The following LRFN5 variants were observed in gnomAD, a reference collection of about 807,000 sequenced individuals.
LRFN5 encodes leucine-rich repeat and fibronectin type-III domain-containing protein 5.
Under a neutral mutation model 45.6 loss-of-function variants are expected in LRFN5, and 24 were observed. The ratio of observed to expected loss-of-function variants is 0.53; its 90% CI spans 0.38 to 0.74. LRFN5 has a LOEUF of 0.74. Ranked by LOEUF, LRFN5 falls within the 30% of genes least tolerant of loss-of-function variation. The pLI is 0.00. For missense variants in LRFN5, 776 were observed against 861.5 expected (o/e 0.90, Z 1.24); for synonymous variants, 340 against 313.8 (o/e 1.08, Z -0.88).
chr14:41,803,772 A>C (rs1303656010), intron 2 of LRFN5, among the ~76,000 whole-genome samples: 1 of 152,166 alleles, frequency 6.6e-6, no homozygotes, highest in African/African-American at 2.4e-5. Flanking sequence ...CCTGTTGCCC[A>C]GATAGAGCTG....
intron 2 of LRFN5, among the ~76,000 whole-genome samples, chr14:41,774,391 T>C (rs1431682270): frequency 1.3e-5 from 2 of 152,190 alleles, no homozygotes; most frequent in East Asian, 3.8e-4. Flanking sequence ...TGAAACAGAA[T>C]ATAGGAGCCT....
intron 2 of LRFN5, among the ~76,000 whole-genome samples, chr14:41,809,646 A>C (rs2138988503): frequency 1.3e-5 from 2 of 151,780 alleles, no homozygotes; most frequent in East Asian, 3.9e-4. Flanking sequence ...TAATATTTTA[A>C]ATATATGTTT....
At chr14:41,796,272 C>G (rs1170570097) in intron 2 of LRFN5, among the ~76,000 whole-genome samples, 1 of 151,770 alleles carries the variant, frequency 6.6e-6, no homozygotes, top group African/African-American at 2.4e-5. Context: ...GTAGAGAATA[C>G]AGAAAATTAG....
intron 2 of LRFN5, among the ~76,000 whole-genome samples, chr14:41,781,446 C>T (rs1030880781): frequency 4.3e-5 from 6 of 138,980 alleles, no homozygotes; most frequent in Admixed American, 7.4e-5. Context: ...TGCATTGAGT[C>T]GTGATCATGG....
intron 2 of LRFN5, among the ~76,000 whole-genome samples, chr14:41,854,867 C>T (rs1284905203): frequency 1.3e-5 from 2 of 152,168 alleles, no homozygotes; most frequent in African/African-American, 4.8e-5. Flanking sequence ...AAATTCACAT[C>T]TCTGATCGAT....
intron 1 of LRFN5, among the ~76,000 whole-genome samples, chr14:41,674,426 A>G (rs1327864623): frequency 8.9e-3 from 406 of 45,628 alleles, no homozygotes; most frequent in Admixed American, 0.01. Flanking sequence ...CGGGCAGAGG[A>G]GCTCCTCACT....
chr14:41,624,157 G>A (rs1367984462), intron 1 of LRFN5, among the ~76,000 whole-genome samples: 2 of 151,878 alleles, frequency 1.3e-5, no homozygotes, highest in Non-Finnish European at 2.9e-5. Context: ...TTCAGCATGG[G>A]TAGCACATAC....
At chr14:41,851,454 T>A (rs1889264203) in intron 2 of LRFN5, among the ~76,000 whole-genome samples, 1 of 151,832 alleles carries the variant, frequency 6.6e-6, no homozygotes, top group South Asian at 2.1e-4. Flanking sequence ...ATGTTACATA[T>A]GATGTTTCAA....
intron 2 of LRFN5, among the ~76,000 whole-genome samples, chr14:41,885,612 T>A (rs1478377553): frequency 1.3e-5 from 2 of 152,158 alleles, no homozygotes; most frequent in African/African-American, 4.8e-5. Context: ...TCTTTAAAAA[T>A]CCACATTTTT....
At chr14:41,829,283 T>C (rs74045459) in intron 2 of LRFN5, among the ~76,000 whole-genome samples, 15 of 152,012 alleles carry the variant, frequency 9.9e-5, no homozygotes, top group African/African-American at 3.6e-4. Flanking sequence ...CCACAACCCA[T>C]GAATGAATTT....
Position 41,891,879 on chromosome 14 carries a change from A to G in LRFN5, c.2015A>G (p.Asn672Ser). 6.2e-7 allele frequency: 1 copy of G among 1,614,096 alleles called. No homozygotes were observed. Among genetic ancestry groups the G allele is most frequent in the Non-Finnish European group, 8.5e-7 (1 of 1,180,026 alleles). Residue 672 changes from asparagine to serine, a missense_variant, in exon 4 of 6, where the codon AAC becomes AGC. By Grantham distance (46) the Asn-to-Ser change is conservative. Transcript: ENST00000298119. ...GAATCCCAAAACACTAACAGGAACAACTCAACTGCCTTGCAGTTAGCTAGC... is the reference window on the plus strand; with the variant it reads ...GAATCCCAAAACACTAACAGGAACAGCTCAACTGCCTTGCAGTTAGCTAGC... ...NVESQNTNRN[N>S]STALQLASRP...
At chr14:41,638,485 A>G (rs544367864) in intron 1 of LRFN5, among the ~76,000 whole-genome samples, 2 of 152,268 alleles carry the variant, frequency 1.3e-5, no homozygotes, top group African/African-American at 4.8e-5. Context: ...CAATTTAGTG[A>G]AGAAAAATGG....
chr14:41,716,689 C>G (rs1294539295), intron 1 of LRFN5, among the ~76,000 whole-genome samples: 1 of 152,160 alleles, frequency 6.6e-6, no homozygotes, highest in Non-Finnish European at 1.5e-5. Flanking sequence ...AAGTGCGAAA[C>G]TTTTCCACAT....
chr14:41,694,178 T>A (rs927777248), intron 1 of LRFN5, among the ~76,000 whole-genome samples: 23 of 152,012 alleles, frequency 1.5e-4, no homozygotes, highest in Non-Finnish European at 3.2e-4. Flanking sequence ...TTTACTTGAT[T>A]TTTTTTGTGG....
intron 2 of LRFN5, among the ~76,000 whole-genome samples, chr14:41,839,181 T>C (rs781537469): frequency 6.6e-6 from 1 of 152,134 alleles, no homozygotes; most frequent in Non-Finnish European, 1.5e-5. Context: ...ACAGTTCTAT[T>C]AATTACAGCT....
intron 1 of LRFN5, among the ~76,000 whole-genome samples, chr14:41,651,881 G>A (rs1048877914): frequency 6.6e-6 from 1 of 152,092 alleles, no homozygotes. Context: ...CTTCTGAGGC[G>A]TGTTTCCTTG....
intron 2 of LRFN5, among the ~76,000 whole-genome samples, chr14:41,865,522 C>G (rs1245076482): frequency 6.6e-6 from 1 of 152,006 alleles, no homozygotes; most frequent in African/African-American, 2.4e-5. Context: ...AGTAATATTG[C>G]TCTCACAATT....
chr14:41,630,532 T>C (rs907690555), intron 1 of LRFN5, among the ~76,000 whole-genome samples: 3 of 152,106 alleles, frequency 2.0e-5, no homozygotes, highest in Non-Finnish European at 4.4e-5. Context: ...TCTAATTCCA[T>C]GTTTTATATT....
At position 41,872,980 on chromosome 14, in the gene LRFN5, T is replaced by C. The variant is rs1361137197; in HGVS notation, c.-20-13626T>C. Among the ~76,000 whole-genome samples the C allele has an allele frequency of 2.6e-5, 4 of 152,338 alleles. No individual in the cohort carries two copies. The East Asian group carries it at 5.8e-4, about 22-fold the overall frequency. ...AACTTTTGTCTAAATTCCACTTCTT[T>C]ATGAGTCATAAACATTTCAATGGCT... On this transcript the variant is annotated intron_variant, in intron 2 of 5. Coordinates refer to ENST00000298119, the MANE Select transcript of LRFN5 (RefSeq NM_152447.5).
Sources: allele counts gnomAD v4.1 joint callset (sites outside exome capture counted in the v4.1 genomes callset), GRCh38; gene constraint gnomAD v4.1.1; transcripts MANE v1.5; gene names NCBI Gene and HGNC (gene_info 2026-07-23, HGNC 2026-07-21).